Variants in SPATA6L observed in about 807,000 individuals in gnomAD.
SPATA6L encodes the protein spermatogenesis associated 6 like, also known as spermatogenesis associated 6-like protein.
In SPATA6L, 68 loss-of-function variants were observed where a neutral mutation model predicts 49.2. That is an observed-to-expected ratio of 1.38 (90% CI 1.14 to 1.69). The LOEUF (loss-of-function observed/expected upper bound fraction) is 1.69, where lower values mean the gene tolerates loss of function less well. Ranked by LOEUF, SPATA6L falls within the 40% of genes most tolerant of loss-of-function variation. The pLI is 0.00. For synonymous variants in SPATA6L, 198 were observed against 165.7 expected (o/e 1.19, Z -1.50); for missense variants, 668 against 464.3 (o/e 1.44, Z -4.03).
chr9:4,644,021 G>GA lies in SPATA6L; in HGVS notation c.227-8623dup, dbSNP rs200897646. Reference sequence around the variant, plus strand: ...GATTCTGTCTCAAAAAAATCAATTTGAAAAAAAAAGATGTAGATTTATGCA... The same window carrying GA: ...GATTCTGTCTCAAAAAAATCAATTTGAAAAAAAAAAGATGTAGATTTATGCA... On this transcript the variant is annotated intron_variant, in intron 3 of 11. Coordinates refer to ENST00000682582, the MANE Select transcript of SPATA6L (RefSeq NM_001353486.2). 3.4e-3 allele frequency among the ~76,000 whole-genome samples: 502 copies of GA among 148,068 alleles called. 6 individuals are homozygous for GA. The highest frequency in any genetic ancestry group is 0.014 in the Middle Eastern group (4 of 292).
At chr9:4,603,914 C>G (rs986622101) in intron 11 of SPATA6L, among the ~76,000 whole-genome samples, 1 of 152,062 alleles carries the variant, frequency 6.6e-6, no homozygotes, top group African/African-American at 2.4e-5. Flanking sequence ...GTTCAAGAAG[C>G]TGAAAGAAGG....
chr9:4,629,176 A>T lies in SPATA6L; in HGVS notation c.352-8T>A, dbSNP rs745360464. 6.6e-7 allele frequency: 1 copy of T among 1,513,562 alleles called. No individual in the cohort carries two copies. Among genetic ancestry groups the T allele is most frequent in the African/African-American group, 1.6e-5 (1 of 63,196 alleles). The allele number at this position is 1,513,562 out of a possible 1,614,324, so 93.8% of individuals were successfully genotyped here. ...TATTTTGGGAGCAATGCCCTATAAA[A>T]CAGCATAAAAAAAGCAAATAAAATT... On this transcript the variant is annotated splice_polypyrimidine_tract_variant and splice_region_variant and intron_variant, in intron 4 of 11. Coordinates refer to ENST00000682582, the MANE Select transcript of SPATA6L (RefSeq NM_001353486.2).
chr9:4,602,800 T>G (rs1042695823), intron 11 of SPATA6L, among the ~76,000 whole-genome samples: 1 of 152,198 alleles, frequency 6.6e-6, no homozygotes, highest in Non-Finnish European at 1.5e-5. Flanking sequence ...GCTCCACCAT[T>G]CACTAGCCAT....
intron 9 of SPATA6L, among the ~76,000 whole-genome samples, chr9:4,607,521 A>G (rs1825597676): frequency 6.6e-6 from 1 of 152,258 alleles, no homozygotes; most frequent in Non-Finnish European, 1.5e-5. Flanking sequence ...TTTTCAACCC[A>G]GAATGTCATA....
chr9:4,589,525 T>C (rs1252753680), intron 13 of SPATA6L, among the ~76,000 whole-genome samples: 1 of 152,214 alleles, frequency 6.6e-6, no homozygotes, highest in African/African-American at 2.4e-5. Flanking sequence ...AAATGGGACA[T>C]TTTAATCTAA....
At chr9:4,627,805 G>A in intron 5 of SPATA6L, 3 of 1,289,282 alleles carry the variant, frequency 2.3e-6, no homozygotes, top group Non-Finnish European at 3.0e-6. Context: ...AAAGAAAGGT[G>A]GCCCCATGTT....
At chr9:4,615,647 T>C (rs1458617623) in intron 9 of SPATA6L, among the ~76,000 whole-genome samples, 1 of 152,240 alleles carries the variant, frequency 6.6e-6, no homozygotes, top group East Asian at 1.9e-4. Context: ...TGCATTTGGA[T>C]TGTACTTCTG....
intron 3 of SPATA6L, among the ~76,000 whole-genome samples, chr9:4,643,324 T>A (rs560911120): frequency 1.3e-5 from 2 of 152,138 alleles, no homozygotes; most frequent in Admixed American, 6.5e-5. Context: ...ACAAATCCAA[T>A]TGACAGTATC....
At chr9:4,651,982 C>T (rs7025858) in intron 3 of SPATA6L, among the ~76,000 whole-genome samples, 70,955 of 152,004 alleles carry the variant, frequency 0.47, 16,744 homozygotes, top group East Asian at 0.65. Flanking sequence ...ATAAAATGCG[C>T]ACAAACTATA....
At chr9:4,602,346 C>T (rs1036987161) in intron 11 of SPATA6L, among the ~76,000 whole-genome samples, 3 of 152,010 alleles carry the variant, frequency 2.0e-5, no homozygotes, top group African/African-American at 7.3e-5. Flanking sequence ...GAGTAAATGG[C>T]CCAGAATCCG....
At chr9:4,619,155 CTTTTTTTTTT>C (rs57028759) in intron 7 of SPATA6L, among the ~76,000 whole-genome samples, 1 of 118,178 alleles carries the variant, frequency 8.5e-6, no homozygotes, top group African/African-American at 3.4e-5. Context: ...CAGGTTTTCT[CTTTTTTTTTT>C]TTTTTTTTTT....
chr9:4,624,814 G>A (rs761299715), intron 6 of SPATA6L, among the ~76,000 whole-genome samples: 1 of 151,536 alleles, frequency 6.6e-6, no homozygotes, highest in South Asian at 2.1e-4. Flanking sequence ...CAAAATCTAA[G>A]ATGACTTTAA....
chr9:4,656,935 C>T (rs1838398812), intron 2 of SPATA6L, among the ~76,000 whole-genome samples: 1 of 151,530 alleles, frequency 6.6e-6, no homozygotes. Context: ...GTACTAGCAA[C>T]TAGCAGCTAC....
intron 9 of SPATA6L, among the ~76,000 whole-genome samples, chr9:4,616,347 G>A (rs1023040901): frequency 6.6e-6 from 1 of 152,156 alleles, no homozygotes; most frequent in Non-Finnish European, 1.5e-5. Context: ...AGCACTTAGA[G>A]ACACATGAGC....
intron 3 of SPATA6L, among the ~76,000 whole-genome samples, chr9:4,652,576 A>G (rs750974965): frequency 1.3e-5 from 2 of 151,904 alleles, no homozygotes; most frequent in African/African-American, 4.8e-5. Context: ...AAGGCTGGGT[A>G]CGGTGTCTCA....
At chr9:4,640,072 T>C (rs1181279293) in intron 3 of SPATA6L, among the ~76,000 whole-genome samples, 1 of 152,334 alleles carries the variant, frequency 6.6e-6, no homozygotes, top group African/African-American at 2.4e-5. Flanking sequence ...GCTATAAAAG[T>C]ATAAAATTAA....
At chr9:4,605,489 G>C (rs1262074649) in intron 9 of SPATA6L, 49 bp from the exon 10 acceptor site, 1 of 1,320,302 alleles carries the variant, frequency 7.6e-7, no homozygotes. Context: ...TACTAAAAAG[G>C]ACACTTAAAG....
At chr9:4,647,893 G>T (rs927558174) in intron 3 of SPATA6L, among the ~76,000 whole-genome samples, 48 of 151,286 alleles carry the variant, frequency 3.2e-4, no homozygotes, top group African/African-American at 1.0e-3. Flanking sequence ...GGAGGGCAGT[G>T]GTGCGATCTT....
At chr9:4,625,135 A>C in intron 6 of SPATA6L, 192 bp downstream of exon 6, 1 of 1,015,150 alleles carries the variant, frequency 9.9e-7, no homozygotes, top group Non-Finnish European at 1.3e-6. Flanking sequence ...TCCCCTGTAT[A>C]AGGTACCTTT....
Sources: gnomAD v4.1 joint callset for allele counts (sites outside exome capture counted in the v4.1 genomes callset) on GRCh38, gnomAD v4.1.1 for gene constraint, MANE v1.5 for transcripts, NCBI Gene and HGNC (gene_info 2026-07-23, HGNC 2026-07-21) for gene names.